The following KIF9 variants were observed in gnomAD, a reference collection of about 807,000 sequenced individuals.
KIF9 encodes kinesin family member 9.
Under a neutral mutation model 94.8 loss-of-function variants are expected in KIF9, and 68 were observed. That is an observed-to-expected ratio of 0.72 (90% confidence interval 0.59 to 0.88). The LOEUF is 0.88. Among genes scored for constraint, KIF9 ranks in the 40% least tolerant of loss-of-function variants. The pLI, the probability that KIF9 is intolerant of heterozygous loss-of-function variation, is 0.00. For missense variants in KIF9, 882 were observed against 982.5 expected (o/e 0.90, Z 1.37); for synonymous variants, 343 against 362.1 (o/e 0.95, Z 0.60).
chr3:47,272,017 G>A (rs1436914049), intron 4 of KIF9, among the ~76,000 whole-genome samples: 2 of 152,184 alleles, frequency 1.3e-5, no homozygotes, highest in African/African-American at 4.8e-5. Context: ...CGACTCGGGA[G>A]GCTGAGGCAG....
At chr3:47,245,127 C>G (rs369026534) in intron 14 of KIF9, 29 of 637,360 alleles carry the variant, frequency 4.6e-5, no homozygotes, top group Middle Eastern at 4.3e-4. Context: ...TCCACATGCA[C>G]CCCCTCACCA....
chr3:47,244,328 A>T (rs943110230), intron 15 of KIF9: 1 of 159,584 alleles, frequency 6.3e-6, no homozygotes. Flanking sequence ...CCTTGCACAT[A>T]CAAACGAGTC....
intron 10 of KIF9, among the ~76,000 whole-genome samples, chr3:47,255,539 A>C (rs1190882159): frequency 1.3e-5 from 2 of 152,064 alleles, no homozygotes; most frequent in African/African-American, 4.8e-5. Flanking sequence ...CATGGTTTGG[A>C]GACTGGGGAG....
intron 1 of KIF9, among the ~76,000 whole-genome samples, chr3:47,277,705 A>C (rs1011175166): frequency 6.6e-6 from 1 of 152,228 alleles, no homozygotes; most frequent in African/African-American, 2.4e-5. Flanking sequence ...TTCTGCAACT[A>C]AGATGATGAG....
At chr3:47,254,652 T>C (rs1006362753) in intron 10 of KIF9, among the ~76,000 whole-genome samples, 2 of 152,088 alleles carry the variant, frequency 1.3e-5, no homozygotes, top group South Asian at 4.2e-4. Flanking sequence ...TAAGGCTATA[T>C]ACAGCTAATG....
intron 16 of KIF9, among the ~76,000 whole-genome samples, chr3:47,241,564 C>T (rs1249108411): frequency 2.0e-5 from 3 of 151,234 alleles, no homozygotes; most frequent in Admixed American, 6.6e-5. Flanking sequence ...TCAGGTAATC[C>T]ACCCGCCTCA....
intron 9 of KIF9, 171 bp downstream of exon 9, chr3:47,264,115 A>T (rs1204616139): frequency 1.6e-6 from 1 of 607,146 alleles, no homozygotes; most frequent in Non-Finnish European, 3.1e-6. Flanking sequence ...TGGTGTGTGG[A>T]TCCTAGCTCT....
intron 13 of KIF9, 98 bp from the exon 14 acceptor site, chr3:47,245,609 G>A (rs888027926): frequency 1.0e-5 from 9 of 883,478 alleles, no homozygotes; most frequent in Non-Finnish European, 1.7e-5. Flanking sequence ...TATGGGTGAG[G>A]CCCCTTGTGT....
chr3:47,245,787 G>C (rs1433790785), intron 13 of KIF9: 1 of 515,214 alleles, frequency 1.9e-6, no homozygotes, highest in Non-Finnish European at 3.5e-6. Flanking sequence ...AGCTTCACTT[G>C]GGACCATGTG....
At chr3:47,275,540 G>T in intron 2 of KIF9, 50 bp from the exon 3 acceptor site, 3 of 1,461,250 alleles carry the variant, frequency 2.1e-6, no homozygotes, top group Non-Finnish European at 2.8e-6. Context: ...TCAAAAATGG[G>T]TATAAAAAAA....
At position 47,248,008 on chromosome 3, in the gene KIF9, A is replaced by G; in HGVS notation, c.1128+10T>C. On this transcript the variant is annotated intron_variant, in intron 11 of 20. Coordinates refer to ENST00000684063, the MANE Select transcript of KIF9 (RefSeq NM_182902.4). ...ACCTCTGCCCTCCTTCTTTGCCTCT[A>G]GCCTCTTACCAGGCTGTCATGGATA... 1 of 1,609,260 alleles carries G rather than the reference A, an allele frequency of 6.2e-7. No homozygotes were observed. Among genetic ancestry groups the G allele is most frequent in the Non-Finnish European group, 8.5e-7 (1 of 1,176,020 alleles).
rs780196460 is a variant in KIF9, at chr3:47,277,273, C to T, written c.93+9G>A. On this transcript the variant is annotated intron_variant, in intron 2 of 20. Coordinates refer to ENST00000684063, the MANE Select transcript of KIF9 (RefSeq NM_182902.4). ...CCCAGTCAGTTGAAGGCAAACACAT[C>T]GCACTTACTCTTTTGTCATCTCCGT... 36 of 1,607,024 alleles carry T rather than the reference C, an allele frequency of 2.2e-5. No individual in the cohort carries two copies. In the East Asian group the frequency reaches 3.6e-4, roughly 16 times the overall value.
rs997421677 is a variant in KIF9, at chr3:47,234,819, G to A, written c.2322+694C>T. On this transcript the variant is annotated intron_variant, in intron 20 of 20. Transcript: ENST00000684063. The stretch of plus-strand genomic sequence containing the variant: ...GATCCACCCACCTCAGCCGCCCAAA[G>A]TGCTGGGATTACAGGCGTGAGCCAC... Among the ~76,000 whole-genome samples, 4 of 151,834 alleles carry A rather than the reference G, an allele frequency of 2.6e-5. No homozygotes were observed. The East Asian group carries it at 7.7e-4, about 29-fold the overall frequency.
chr3:47,248,844 A>G (rs938043026), intron 10 of KIF9, among the ~76,000 whole-genome samples: 1 of 151,654 alleles, frequency 6.6e-6, no homozygotes, highest in Admixed American at 6.6e-5. Flanking sequence ...CCTGGGCTCA[A>G]GCAATCCTCT....
Position 47,240,815 on chromosome 3 carries a change from AGTG to A in KIF9, c.1907_1909del (p.Ser636del), listed in dbSNP as rs765556276. The A allele has an allele frequency of 6.2e-7, 1 of 1,613,926 alleles. No individual in the cohort carries two copies. Among genetic ancestry groups the A allele is most frequent in the East Asian group, 2.2e-5 (1 of 44,884 alleles). On this transcript the variant is annotated inframe_deletion, in exon 17 of 21. Transcript: ENST00000684063. ...AACACATTTACCTTGCTTCTCCCGTAGTGACTTCTGGAAATTCAGGGCCTCCTT... is the reference window on the plus strand; with the variant it reads ...AACACATTTACCTTGCTTCTCCCGTAACTTCTGGAAATTCAGGGCCTCCTT...
intron 10 of KIF9, among the ~76,000 whole-genome samples, chr3:47,252,912 C>T (rs1164849002): frequency 6.6e-6 from 1 of 151,886 alleles, no homozygotes; most frequent in Non-Finnish European, 1.5e-5. Flanking sequence ...ACTTAGGAGG[C>T]TGAGGCAGGA....
rs768097075 is a variant in KIF9, at chr3:47,245,469, G to A, written c.1332C>T (p.Tyr444=). ...QEVESTLRRK[Y]TLIDRNDFAA... The stretch of plus-strand genomic sequence containing the variant: ...CAAAGTCATTCCTGTCAATGAGGGT[G>A]TACTTCCTGCGCAAAGTGGACTCCA... The change falls in exon 14 of 21, where the codon TAC becomes TAT. Residue 444 remains tyrosine (Y), a synonymous_variant. Transcript: ENST00000684063. 1 of 1,614,020 alleles carries A rather than the reference G, an allele frequency of 6.2e-7. No homozygotes were observed.
At chr3:47,230,967 GGGCAGA>G (rs1468343607) in intron 20 of KIF9, among the ~76,000 whole-genome samples, 6 of 152,082 alleles carry the variant, frequency 3.9e-5, no homozygotes, top group Non-Finnish European at 8.8e-5. Flanking sequence ...ACAACCCAGG[GGGCAGA>G]GGCTGCCGTA....
At chr3:47,280,945 C>T in intron 1 of KIF9, 1 of 703,082 alleles carries the variant, frequency 1.4e-6, no homozygotes, top group Admixed American at 2.0e-5. Context: ...TGCCATCTTG[C>T]ACTTACTGAA....
Sources: allele counts gnomAD v4.1 joint callset (sites outside exome capture counted in the v4.1 genomes callset), GRCh38; gene constraint gnomAD v4.1.1; transcripts MANE v1.5; gene names NCBI Gene and HGNC (gene_info 2026-07-23, HGNC 2026-07-21).